KMT2B: variants seen among roughly 807,000 people sequenced by gnomAD.
KMT2B encodes the protein lysine methyltransferase 2B.
KMT2B carries 22 observed loss-of-function variants against 255.3 expected under a neutral mutation model. The observed-to-expected ratio is 0.09, with a 90% confidence interval of 0.06 to 0.12. The LOEUF (loss-of-function observed/expected upper bound fraction) is 0.12, where lower values mean the gene tolerates loss of function less well. Among genes scored for constraint, KMT2B ranks in the 10% least tolerant of loss-of-function variants. The pLI is 1.00. For synonymous variants in KMT2B, 1,730 were observed against 1,498.1 expected, an observed-to-expected ratio of 1.15 and a Z score of -3.57; for missense variants, 3,149 against 3,737.0, an observed-to-expected ratio of 0.84 and a Z score of 4.10.
chr19:35,732,159 T>C (rs780542575), intron 27 of KMT2B, 24 bp downstream of exon 27: 2 of 1,574,074 alleles, frequency 1.3e-6, no homozygotes, highest in African/African-American at 1.4e-5. Flanking sequence ...ATGTGGGGGT[T>C]GGGGGTGGAG....
Position 35,738,139 on chromosome 19 carries a change from T to C in KMT2B, c.7820T>C (p.Ile2607Thr), listed in dbSNP as rs774385345. Residue 2607 changes from isoleucine (I) to threonine (T), a missense_variant, in exon 36 of 37, where the codon ATT becomes ACT. Ile to Thr is a moderately conservative substitution (Grantham distance 89). Transcript: ENST00000420124. This position sits in a 1 kb window ranked among gnomAD's most constrained non-coding sequence, Gnocchi z 8.7. The part of the protein sequence containing the change: ...AGEMVIEYSG[I>T]VIRSVLTDKR... ...GAGATGGTCATCGAGTACTCTGGCATTGTCATCCGCTCGGTGTTGACTGAC... is the reference window on the plus strand; with the variant it reads ...GAGATGGTCATCGAGTACTCTGGCACTGTCATCCGCTCGGTGTTGACTGAC... The C allele has an allele frequency of 6.2e-7, 1 of 1,613,868 alleles. No individual in the cohort carries two copies. Among genetic ancestry groups the C allele is most frequent in the Non-Finnish European group, 8.5e-7 (1 of 1,179,862 alleles).
chr19:35,724,082 C>T (rs1969327633), intron 8 of KMT2B, 75 bp downstream of exon 8: 8 of 1,383,418 alleles, frequency 5.8e-6, no homozygotes, highest in South Asian at 2.7e-5. Context: ...GGACAAGGCA[C>T]CCAGACCCAG....
intron 18 of KMT2B, 38 bp from the exon 19 acceptor site, chr19:35,728,060 G>GA: frequency 6.4e-7 from 1 of 1,569,812 alleles, no homozygotes; most frequent in Non-Finnish European, 8.6e-7. Flanking sequence ...CTCTCCTGGG[G>GA]AAGCTGGCTC....
intron 30 of KMT2B, among the ~76,000 whole-genome samples, chr19:35,734,401 G>A (rs1969841517): frequency 6.6e-6 from 1 of 152,172 alleles, no homozygotes; most frequent in Non-Finnish European, 1.5e-5. Context: ...GTCCAGAATT[G>A]AGACCATGGT....
chr19:35,724,859 T>C, intron 9 of KMT2B, 128 bp downstream of exon 9: 1 of 1,080,638 alleles, frequency 9.3e-7, no homozygotes, highest in East Asian at 2.6e-5. Context: ...AGGCGGGCCT[T>C]GCCTGTCTGG....
chr19:35,721,383 C>T lies in KMT2B; in HGVS notation c.2036C>T (p.Pro679Leu), dbSNP rs1176047253. ...CTTGGGGCTCCTGAAGCCCCTGAGC[C>T]AGAGCCTCCTCCTGCCGATGACTCT... ...PPLGAPEAPE[P>L]EPPPADDSPA... The change falls in exon 3 of 37, where the codon CCA becomes CTA. Residue 679 changes from proline to leucine, a missense_variant. This residue lies in a region of KMT2B where 1,188 missense variants were observed against 1,106.4 expected (regional missense o/e 1.07). Coordinates refer to ENST00000420124, the MANE Select transcript of KMT2B (RefSeq NM_014727.3). 1 of 1,604,944 alleles carries T rather than the reference C, an allele frequency of 6.2e-7. No homozygotes were observed. The highest frequency in any genetic ancestry group is 8.5e-7 in the Non-Finnish European group (1 of 1,176,862).
At position 35,727,703 on chromosome 19, in the gene KMT2B, G is replaced by T; in HGVS notation, c.4308G>T (p.Gly1436=). The T allele has an allele frequency of 6.2e-7, 1 of 1,613,716 alleles. No homozygotes were observed. ...CTAACTTCCCCGCTTTGCAGTGTGG[G>T]CCAGATGGGAAGCAACTGCACCCAG... ...VGPLLLCTQC[G]PDGKQLHPGP... The change falls in exon 17 of 37, where the codon GGG becomes GGT. Residue 1436 remains glycine, a synonymous_variant. Coordinates refer to ENST00000420124, the MANE Select transcript of KMT2B (RefSeq NM_014727.3). The surrounding 1 kb of genome is among the most constrained non-coding windows in gnomAD (Gnocchi z 4.2).
intron 3 of KMT2B, 26 bp from the exon 4 acceptor site, chr19:35,722,333 C>A: frequency 6.3e-7 from 1 of 1,583,912 alleles, no homozygotes; most frequent in South Asian, 1.1e-5. Context: ...ACTGTCCAGC[C>A]CCTGACCCTG....
chr19:35,720,883 C>T lies in KMT2B; in HGVS notation c.1536C>T (p.Thr512=), dbSNP rs375618290. The T allele has an allele frequency of 1.3e-5, 20 of 1,597,878 alleles. No individual in the cohort carries two copies. Among genetic ancestry groups the T allele is most frequent in the South Asian group, 4.5e-5 (4 of 87,914 alleles). ...GAGGCCCTCCGGAAGACAGTCCCACCGTGGCCCCCAAAAGCACCACCTTCC... is the reference window on the plus strand; with the variant it reads ...GAGGCCCTCCGGAAGACAGTCCCACTGTGGCCCCCAAAAGCACCACCTTCC... ...ATGGPPEDSP[T]VAPKSTTFLK... Residue 512 remains threonine (T), a synonymous_variant, in exon 3 of 37, where the codon ACC becomes ACT. Transcript: ENST00000420124.
In KMT2B at chr19:35,737,543, C is replaced by T. The variant is rs971749883; in HGVS notation, c.7551-93C>T. The T allele has an allele frequency of 2.2e-6, 2 of 901,062 alleles. No individual in the cohort carries two copies. Among genetic ancestry groups the T allele is most frequent in the African/African-American group, 1.7e-5 (1 of 59,340 alleles). The allele number at this position is 901,062 out of a possible 1,614,324, so 55.8% of individuals were successfully genotyped here. A position where few individuals can be genotyped will look rare whatever the true frequency, so the allele number is the denominator to read the frequency against. On this transcript the variant is annotated intron_variant, in intron 33 of 36. Coordinates refer to ENST00000420124, the MANE Select transcript of KMT2B (RefSeq NM_014727.3). The surrounding 1 kb of genome is among the most constrained non-coding windows in gnomAD (Gnocchi z 5.3). ...AAATAAAAATTTAAAAAAGTTATTT[C>T]TAGAGCTGACATCAGAAAAATGAAC...
chr19:35,718,329 G>C lies in KMT2B; in HGVS notation c.311G>C (p.Ser104Thr), dbSNP rs1969037916. ...GGTCGGGGCCGGGGCTGGGGCCCGA[G>C]TCGAGGCTGCGTGCCGGAGGAGGAG... ...GRGRGRGWGP[S>T]RGCVPEEESS... Residue 104 changes from serine to threonine, a missense_variant, in exon 1 of 37, where the codon AGT becomes ACT. Physicochemically the swap from Ser to Thr is moderately conservative, Grantham distance 58 (BLOSUM62 1). Transcript: ENST00000420124. The surrounding 1 kb of genome is among the most constrained non-coding windows in gnomAD (Gnocchi z 5.0). 8.0e-7 allele frequency: 1 copy of C among 1,253,004 alleles called. No individual in the cohort carries two copies. Among genetic ancestry groups the C allele is most frequent in the African/African-American group, 1.5e-5 (1 of 64,856 alleles). 77.6% of individuals were successfully genotyped at this position (1,253,004 alleles called of 1,614,324 possible).
At position 35,720,188 on chromosome 19, in the gene KMT2B, C is replaced by T. The variant is rs776595230; in HGVS notation, c.841C>T (p.Arg281Cys). ...CGGTCCAGGACCTGGGACCCCCAGGCGTGGAGGACAGTCAAGCCGTGGAGG... is the reference window on the plus strand; with the variant it reads ...CGGTCCAGGACCTGGGACCCCCAGGTGTGGAGGACAGTCAAGCCGTGGAGG... ...GPGPGPGTPRRGGQSSRGGRG... is the reference protein window; with the variant it reads ...GPGPGPGTPRCGGQSSRGGRG... Residue 281 changes from arginine to cysteine, a missense_variant, in exon 3 of 37, where the codon CGT becomes TGT. By Grantham distance (180) the Arg-to-Cys change is radical. This residue lies in a region of KMT2B where 1,188 missense variants were observed against 1,106.4 expected (regional missense o/e 1.07). Transcript: ENST00000420124. The T allele has an allele frequency of 1.0e-5, 16 of 1,606,544 alleles. No individual in the cohort carries two copies. The highest frequency in any genetic ancestry group is 3.4e-5 in the Admixed American group (2 of 58,730).
chr19:35,731,015 C>G (rs189151053), intron 26 of KMT2B, 148 bp downstream of exon 26: 3 of 951,846 alleles, frequency 3.2e-6, no homozygotes, highest in Non-Finnish European at 4.6e-6. Flanking sequence ...TACTGCCATG[C>G]CTTGTGTGCC....
Position 35,720,680 on chromosome 19 carries a change from C to T in KMT2B, c.1333C>T (p.Pro445Ser), listed in dbSNP as rs1316532309. The T allele has an allele frequency of 6.8e-7, 1 of 1,479,778 alleles. No homozygotes were observed. Among genetic ancestry groups the T allele is most frequent in the Non-Finnish European group, 9.0e-7 (1 of 1,116,868 alleles). The allele number at this position is 1,479,778 out of a possible 1,614,324, so 91.7% of individuals were successfully genotyped here. A position where few individuals can be genotyped will look rare whatever the true frequency, so the allele number is the denominator to read the frequency against. Residue 445 changes from proline (P) to serine (S), a missense_variant, in exon 3 of 37, where the codon CCA (proline) becomes TCA (serine). This residue lies in a region of KMT2B where 1,188 missense variants were observed against 1,106.4 expected (regional missense o/e 1.07). Transcript: ENST00000420124. ...GTCCCCACCACCTCTACCATCCCCTCCACCGCCTCCTGCCCAAGAGGAGCA... is the reference window on the plus strand; with the variant it reads ...GTCCCCACCACCTCTACCATCCCCTTCACCGCCTCCTGCCCAAGAGGAGCA... Reference protein sequence around the residue: ...PVSPPPLPSPPPPPAQEEQEE... With the variant: ...PVSPPPLPSPSPPPAQEEQEE...
Position 35,737,985 on chromosome 19 carries a change from C to T in KMT2B, c.7742+43C>T, listed in dbSNP as rs762773968. The T allele has an allele frequency of 2.5e-6, 4 of 1,609,494 alleles. No homozygotes were observed. Among genetic ancestry groups the T allele is most frequent in the Non-Finnish European group, 3.4e-6 (4 of 1,177,672 alleles). ...GGAGGATGCCCCTTGGGTGGACGGA[C>T]AGGTGCACTGGGTAGGGGGTACTGT... is the stretch of plus-strand genomic sequence containing the variant. On this transcript the variant is annotated intron_variant, in intron 35 of 36. Coordinates refer to ENST00000420124, the MANE Select transcript of KMT2B (RefSeq NM_014727.3). This position sits in a 1 kb window ranked among gnomAD's most constrained non-coding sequence, Gnocchi z 5.3.
intron 30 of KMT2B, chr19:35,736,054 C>G (rs1969904592): frequency 6.5e-6 from 1 of 152,732 alleles, no homozygotes. Flanking sequence ...CACCTGAGGT[C>G]AGCCTGGCCA....
rs1969136346 is a variant in KMT2B at position 35,720,385 on chromosome 19, T to C, written c.1038T>C (p.Ser346=). The C allele has an allele frequency of 2.5e-6, 4 of 1,587,994 alleles. No homozygotes were observed. The highest frequency in any genetic ancestry group is 3.4e-6 in the Non-Finnish European group (4 of 1,167,048). The change falls in exon 3 of 37, where the codon TCT becomes TCC. Residue 346 remains serine (S), a synonymous_variant. Transcript: ENST00000420124. ...WQDVPQRRVG[S]GQGGSPCWKK... ...ATGTCCCCCAAAGAAGAGTTGGATC[T>C]GGACAGGGAGGGAGCCCTTGCTGGA...
Position 35,732,803 on chromosome 19 carries a change from C to A in KMT2B, c.6254C>A (p.Pro2085His). Residue 2085 changes from proline to histidine, a missense_variant, in exon 28 of 37, where the codon CCT (proline) becomes CAT (histidine). Coordinates refer to ENST00000420124, the MANE Select transcript of KMT2B (RefSeq NM_014727.3). ...VQQPRGQGTP[P>H]SGPGVVRAGV... ...CAGCCTCGGGGCCAGGGCACGCCTC[C>A]TTCGGGGCCAGGAGTAGTCCGGGCA... The A allele has an allele frequency of 6.2e-7, 1 of 1,606,528 alleles. No homozygotes were observed. The highest frequency in any genetic ancestry group is 8.5e-7 in the Non-Finnish European group (1 of 1,177,256).
Position 35,730,532 on chromosome 19 carries a change from C to T in KMT2B, c.5198-6C>T. On this transcript the variant is annotated splice_region_variant and splice_polypyrimidine_tract_variant and intron_variant, in intron 24 of 36. Transcript: ENST00000420124. Reference sequence around the variant, plus strand: ...TGCCTCTCCTGACCTCCGCTTTGCACCACAGGTTCCATCCGCATTGACTCC... The same window carrying T: ...TGCCTCTCCTGACCTCCGCTTTGCATCACAGGTTCCATCCGCATTGACTCC... 6.2e-7 allele frequency: 1 copy of T among 1,614,054 alleles called. No homozygotes were observed. Among genetic ancestry groups the T allele is most frequent in the South Asian group, 1.1e-5 (1 of 91,088 alleles).
Sources: gnomAD v4.1 joint callset for allele counts (sites outside exome capture counted in the v4.1 genomes callset) on GRCh38, gnomAD v4.1.1 for gene constraint, gnomAD v4.1.1 regional missense constraint, Gnocchi (gnomAD v3.1) non-coding constraint, MANE v1.5 for transcripts, NCBI Gene and HGNC (gene_info 2026-07-23, HGNC 2026-07-21) for gene names.